The following PKHD1 variants were observed in gnomAD, a reference collection of about 807,000 sequenced individuals.
The protein encoded by PKHD1 is fibrocystin.
In PKHD1, 291 loss-of-function variants were observed where a neutral mutation model predicts 412.0. The ratio of observed to expected loss-of-function variants is 0.71; its 90% CI spans 0.64 to 0.78. PKHD1 has a LOEUF of 0.78. Among genes scored for constraint, PKHD1 ranks in the 30% least tolerant of loss-of-function variants. PKHD1 has a pLI of 0.00. For synonymous variants in PKHD1, 1,777 were observed against 1,821.5 expected (o/e 0.98, Z 0.62); for missense variants, 4,825 against 4,950.7 (o/e 0.97, Z 0.76).
intron 60 of PKHD1, among the ~76,000 whole-genome samples, chr6:51,713,723 G>A (rs541564530): frequency 2.0e-5 from 3 of 152,106 alleles, no homozygotes; most frequent in African/African-American, 7.2e-5. Flanking sequence ...GGCTATTTAA[G>A]ATTTCTCTGG....
In PKHD1 at chr6:52,085,013, TTG is replaced by T. The variant is rs1156735177; in HGVS notation, c.-82_-81del. The T allele has an allele frequency of 1.7e-5, 16 of 963,542 alleles. No individual in the cohort carries two copies. The highest frequency in any genetic ancestry group is 2.7e-5 in the Non-Finnish European group (16 of 591,446). The allele number at this position is 963,542 out of a possible 1,614,324, so 59.7% of individuals were successfully genotyped here. A position where few individuals can be genotyped will look rare whatever the true frequency, so the allele number is the denominator to read the frequency against. On this transcript the variant is annotated splice_region_variant and 5_prime_UTR_variant, in exon 2 of 67. Transcript: ENST00000371117. ...AGTTTTGATTGGAGCAGCATAGCTTTTGTGCTTTATAAAAACAAAAAAAGCAA... is the reference window on the plus strand; with the variant it reads ...AGTTTTGATTGGAGCAGCATAGCTTTTGCTTTATAAAAACAAAAAAAGCAA...
At chr6:51,790,560 A>C (rs1793583233) in intron 53 of PKHD1, among the ~76,000 whole-genome samples, 1 of 152,176 alleles carries the variant, frequency 6.6e-6, no homozygotes, top group African/African-American at 2.4e-5. Context: ...GGAATGGGCC[A>C]GGTGAGATGC....
chr6:51,756,771 G>C (rs1787082694), intron 55 of PKHD1, among the ~76,000 whole-genome samples: 3 of 152,050 alleles, frequency 2.0e-5, no homozygotes, highest in Admixed American at 2.0e-4. Flanking sequence ...GTATATTGTA[G>C]TTAGGGAAAA....
At chr6:52,086,056 TAA>T (rs1491242883) in intron 1 of PKHD1, among the ~76,000 whole-genome samples, 2 of 146,986 alleles carry the variant, frequency 1.4e-5, no homozygotes, top group African/African-American at 2.5e-5. Flanking sequence ...TAAATATATT[TAA>T]TATATATATA....
chr6:51,705,724 A>T (rs1455600636), intron 60 of PKHD1, among the ~76,000 whole-genome samples: 6 of 152,124 alleles, frequency 3.9e-5, no homozygotes, highest in Non-Finnish European at 8.8e-5. Context: ...AAGTGCAAAC[A>T]TCCAGTAACA....
At position 52,048,528 on chromosome 6, in the gene PKHD1, G is replaced by T. The variant is rs781097626; in HGVS notation, c.2371C>A (p.His791Asn). 6.2e-7 allele frequency: 1 copy of T among 1,614,070 alleles called. No homozygotes were observed. Among genetic ancestry groups the T allele is most frequent in the Non-Finnish European group, 8.5e-7 (1 of 1,179,926 alleles). Residue 791 changes from histidine (H) to asparagine (N), a missense_variant, in exon 23 of 67, where the codon CAC (histidine) becomes AAC (asparagine). Transcript: ENST00000371117. The part of the protein sequence containing the change: ...RQRTSPPLGG[H>N]FRIQLPNTVI... ...GTATTAGGAAGCTGGATGCGAAAGTGTCCTCCTAGAGGTGGACTTGTCCGC... is the reference window on the plus strand; with the variant it reads ...GTATTAGGAAGCTGGATGCGAAAGTTTCCTCCTAGAGGTGGACTTGTCCGC...
At chr6:51,725,789 T>C (rs1236455094) in intron 60 of PKHD1, among the ~76,000 whole-genome samples, 1 of 152,222 alleles carries the variant, frequency 6.6e-6, no homozygotes, top group Non-Finnish European at 1.5e-5. Context: ...CACAAACTAA[T>C]ATCTCTGTCA....
intron 60 of PKHD1, among the ~76,000 whole-genome samples, chr6:51,702,219 T>TTA (rs1052995132): frequency 2.7e-5 from 4 of 147,292 alleles, no homozygotes; most frequent in Admixed American, 1.4e-4. Flanking sequence ...ATATAATATA[T>TTA]TATATATATG....
rs58262423 is a variant in PKHD1, at chr6:51,891,712, A to AACACACACAC, written c.6997-4477_6997-4468dup. ...TGAATGTACCACATGTTCCACAAGG[A>AACACACACAC]ACACACACACACACACACACACACA... On this transcript the variant is annotated intron_variant, in intron 43 of 66. Transcript: ENST00000371117. 2.6e-3 allele frequency among the ~76,000 whole-genome samples: 381 copies of AACACACACAC among 143,834 alleles called. 4 individuals carry two copies. Among genetic ancestry groups the AACACACACAC allele is most frequent in the African/African-American group, 8.3e-3 (325 of 38,968 alleles). The allele number at this position is 143,834 out of a possible 152,430, so 94.4% of individuals were successfully genotyped here.
Position 51,618,925 on chromosome 6 carries a change from A to C in PKHD1, c.*156T>G. 1 of 729,576 alleles carries C rather than the reference A, an allele frequency of 1.4e-6. No individual in the cohort carries two copies. Among genetic ancestry groups the C allele is most frequent in the Non-Finnish European group, 2.4e-6 (1 of 418,612 alleles). 45.2% of individuals were successfully genotyped at this position (729,576 alleles called of 1,614,324 possible). The stretch of plus-strand genomic sequence containing the variant: ...CATTTTTCAGTCTGTAAGCATTTAT[A>C]TGACTGTTTTCCATTTTAAAGTTGA... On this transcript the variant is annotated 3_prime_UTR_variant, in exon 67 of 67. Transcript: ENST00000371117.
chr6:51,647,911 C>T, intron 63 of PKHD1, 120 bp downstream of exon 63: 1 of 725,186 alleles, frequency 1.4e-6, no homozygotes, highest in East Asian at 2.5e-5. Flanking sequence ...GGAGTTTCTT[C>T]CCAAATTACT....
intron 60 of PKHD1, among the ~76,000 whole-genome samples, chr6:51,737,020 CT>C (rs1326039914): frequency 6.6e-6 from 1 of 152,076 alleles, no homozygotes; most frequent in Middle Eastern, 3.4e-3. Context: ...GCTTTATTTT[CT>C]TTTTTTTATC....
intron 37 of PKHD1, among the ~76,000 whole-genome samples, chr6:51,932,521 C>CT (rs912890830): frequency 6.6e-6 from 1 of 152,130 alleles, no homozygotes; most frequent in African/African-American, 2.4e-5. Flanking sequence ...CCCAGATGCA[C>CT]TTTTTTACTG....
At chr6:51,874,029 G>A (rs1370059159) in intron 46 of PKHD1, among the ~76,000 whole-genome samples, 2 of 152,116 alleles carry the variant, frequency 1.3e-5, no homozygotes, top group Non-Finnish European at 2.9e-5. Flanking sequence ...AAGAAAAGGG[G>A]CCCTACAACA....
At chr6:52,071,890 G>C (rs940709808) in intron 8 of PKHD1, among the ~76,000 whole-genome samples, 1 of 152,122 alleles carries the variant, frequency 6.6e-6, no homozygotes, top group African/African-American at 2.4e-5. Flanking sequence ...TTAGCTATGT[G>C]TTTTCAAGGA....
intron 61 of PKHD1, among the ~76,000 whole-genome samples, chr6:51,658,398 A>G (rs1772241498): frequency 6.6e-6 from 1 of 152,166 alleles, no homozygotes; most frequent in Non-Finnish European, 1.5e-5. Flanking sequence ...TCAATGTATT[A>G]GCTGAATATT....
At chr6:51,881,942 G>T (rs923387416) in intron 46 of PKHD1, among the ~76,000 whole-genome samples, 1 of 152,142 alleles carries the variant, frequency 6.6e-6, no homozygotes, top group Non-Finnish European at 1.5e-5. Context: ...CCCCAAGGGT[G>T]TGATTATTTT....
intron 60 of PKHD1, among the ~76,000 whole-genome samples, chr6:51,725,485 G>T (rs1326032197): frequency 6.6e-6 from 1 of 152,094 alleles, no homozygotes; most frequent in Non-Finnish European, 1.5e-5. Flanking sequence ...TTGGAAAAAT[G>T]GAGAGAAAGA....
intron 61 of PKHD1, 113 bp from the exon 62 acceptor site, chr6:51,649,333 T>G (rs1231182579): frequency 6.2e-6 from 5 of 804,662 alleles, no homozygotes; most frequent in Non-Finnish European, 1.1e-5. Flanking sequence ...TGCCTGTGTT[T>G]CTAGAAAATA....
Sources: allele counts gnomAD v4.1 joint callset (sites outside exome capture counted in the v4.1 genomes callset), GRCh38; gene constraint gnomAD v4.1.1; transcripts MANE v1.5; gene names NCBI Gene and HGNC (gene_info 2026-07-23, HGNC 2026-07-21).